NCAM1: variants seen among roughly 807,000 people sequenced by gnomAD.
The protein encoded by NCAM1 is neural cell adhesion molecule 1, also known as antigen recognized by monoclonal antibody 5.1H11.
Under a neutral mutation model 109.8 loss-of-function variants are expected in NCAM1, and 14 were observed. The observed-to-expected ratio is 0.13, with a 90% CI of 0.08 to 0.20. The LOEUF is 0.20. Among genes scored for constraint, NCAM1 ranks in the 10% least tolerant of loss-of-function variants. The pLI is 1.00. For missense variants in NCAM1, 774 were observed against 1,109.9 expected, an observed-to-expected ratio of 0.70 and a Z score of 4.30; for synonymous variants, 418 against 442.9, an observed-to-expected ratio of 0.94 and a Z score of 0.70.
chr11:113,124,590 T>G (rs1343758323), intron 1 of NCAM1, among the ~76,000 whole-genome samples: 1 of 152,256 alleles, frequency 6.6e-6, no homozygotes, highest in Non-Finnish European at 1.5e-5. Context: ...GTTCATTACA[T>G]ATGGGAAACT....
chr11:113,124,254 G>A (rs966304295), intron 1 of NCAM1, among the ~76,000 whole-genome samples: 3 of 152,152 alleles, frequency 2.0e-5, no homozygotes, highest in East Asian at 1.9e-4. Flanking sequence ...GTGTGGTGTC[G>A]CAGGACTATT....
At chr11:113,260,494 A>G in intron 17 of NCAM1, 171 bp downstream of exon 17, 1 of 674,870 alleles carries the variant, frequency 1.5e-6, no homozygotes, top group Non-Finnish European at 2.4e-6. Flanking sequence ...CAGTGGGGTG[A>G]GATGTACTGG....
intron 1 of NCAM1, among the ~76,000 whole-genome samples, chr11:112,967,820 TG>T (rs1331349850): frequency 1.3e-5 from 2 of 152,150 alleles, no homozygotes; most frequent in Non-Finnish European, 2.9e-5. Context: ...GAGAAAAAAA[TG>T]GCCTGATTAT....
Position 113,200,658 on chromosome 11 carries a change from C to T in NCAM1, c.53-1721C>T, listed in dbSNP as rs781927497. Among the ~76,000 whole-genome samples, 3 of 152,148 alleles carry T rather than the reference C, an allele frequency of 2.0e-5. No homozygotes were observed. In the South Asian group the frequency reaches 6.2e-4, roughly 32 times the overall value. ...ATGAGGAGGCAGGATGTGGTGATGT[C>T]TGAGACCCCTTTGGGCTCTCACAGT... On this transcript the variant is annotated intron_variant, in intron 1 of 19. Transcript: ENST00000316851.
chr11:113,058,870 G>A (rs1207634121), intron 1 of NCAM1, among the ~76,000 whole-genome samples: 4 of 152,122 alleles, frequency 2.6e-5, no homozygotes, highest in Non-Finnish European at 4.4e-5. Flanking sequence ...TTTCATCTGG[G>A]GGAAGCCATT....
intron 14 of NCAM1, among the ~76,000 whole-genome samples, chr11:113,237,751 C>T (rs1324056079): frequency 6.6e-6 from 1 of 152,076 alleles, no homozygotes. Context: ...AGTTTCTAAC[C>T]AGTAACTGGA....
At chr11:112,971,493 C>T (rs1950881441) in intron 1 of NCAM1, among the ~76,000 whole-genome samples, 1 of 152,042 alleles carries the variant, frequency 6.6e-6, no homozygotes, top group South Asian at 2.1e-4. Context: ...AGCATCTAAG[C>T]AGTCAGTTAA....
intron 1 of NCAM1, among the ~76,000 whole-genome samples, chr11:113,017,653 G>C (rs1312803203): frequency 1.3e-5 from 2 of 151,944 alleles, no homozygotes; most frequent in African/African-American, 2.4e-5. Flanking sequence ...GTGTGTGTGT[G>C]TGTGTGTATG....
intron 1 of NCAM1, among the ~76,000 whole-genome samples, chr11:112,979,921 T>A (rs2186707): frequency 0.45 from 68,389 of 151,606 alleles, 16,296 homozygotes; most frequent in East Asian, 0.8. Flanking sequence ...CAAGCACCAC[T>A]TGATCACCTT....
At chr11:113,193,952 C>T (rs188515554) in intron 1 of NCAM1, among the ~76,000 whole-genome samples, 4 of 152,286 alleles carry the variant, frequency 2.6e-5, no homozygotes. Context: ...TTCTATAAAA[C>T]TAAATCGGAC....
chr11:113,260,302 G>T lies in NCAM1; in HGVS notation c.2110G>T (p.Ala704Ser), dbSNP rs1555123080. The change falls in exon 17 of 20, where the codon GCC becomes TCC. Residue 704 changes from alanine to serine, a missense_variant. By Grantham distance (99) the Ala-to-Ser change is moderately conservative. Transcript: ENST00000316851. ...GGCTCATTTTGTGTTCAGGACCTCG[G>T]CCCAGCCCACAGCCATCCCAGGTAT... The part of the protein sequence containing the change: ...KAAHFVFRTS[A>S]QPTAIPANGS... The T allele has an allele frequency of 1.2e-6, 2 of 1,613,012 alleles. No homozygotes were observed. Among genetic ancestry groups the T allele is most frequent in the Non-Finnish European group, 1.7e-6 (2 of 1,179,618 alleles).
At chr11:113,271,636 A>G in intron 18 of NCAM1, 124 bp from the exon 19 acceptor site, 1 of 622,462 alleles carries the variant, frequency 1.6e-6, no homozygotes. Flanking sequence ...TGAGACTTAT[A>G]CATTTGAATC....
At chr11:113,214,588 C>T in intron 8 of NCAM1, 77 bp downstream of exon 8, 3 of 1,477,836 alleles carry the variant, frequency 2.0e-6, no homozygotes, top group Non-Finnish European at 2.7e-6. Context: ...GCCCAGTTCT[C>T]TTTGGGGAGC....
intron 1 of NCAM1, among the ~76,000 whole-genome samples, chr11:112,999,513 T>G (rs1951688590): frequency 6.6e-6 from 1 of 152,130 alleles, no homozygotes; most frequent in Admixed American, 6.6e-5. Context: ...GGGTCCTCAT[T>G]TTCAAATTAT....
intron 1 of NCAM1, among the ~76,000 whole-genome samples, chr11:113,180,332 A>G (rs921367357): frequency 3.9e-5 from 6 of 152,242 alleles, no homozygotes; most frequent in African/African-American, 1.4e-4. Flanking sequence ...CTACAGGGGT[A>G]TTGAAAGGCA....
At chr11:113,088,474 C>A (rs995035295) in intron 1 of NCAM1, among the ~76,000 whole-genome samples, 14 of 152,312 alleles carry the variant, frequency 9.2e-5, no homozygotes, top group African/African-American at 3.4e-4. Context: ...TTAGCTTGAT[C>A]AGTCCAAACT....
intron 1 of NCAM1, among the ~76,000 whole-genome samples, chr11:113,150,500 T>C (rs1942186677): frequency 6.6e-6 from 1 of 152,160 alleles, no homozygotes; most frequent in Non-Finnish European, 1.5e-5. Flanking sequence ...TTAATTCAAC[T>C]CCACAAGGCT....
intron 14 of NCAM1, among the ~76,000 whole-genome samples, chr11:113,236,097 T>C (rs145397854): frequency 1.4e-3 from 209 of 152,310 alleles, no homozygotes; most frequent in Non-Finnish European, 2.4e-3. Context: ...TGCCCTTACC[T>C]CTTCCCAGAA....
chr11:113,020,151 A>C (rs1202793292), intron 1 of NCAM1, among the ~76,000 whole-genome samples: 1 of 152,180 alleles, frequency 6.6e-6, no homozygotes, highest in Non-Finnish European at 1.5e-5. Context: ...CTCCCTTGTC[A>C]ACAATGTTTT....
Sources: gnomAD v4.1 joint callset for allele counts (sites outside exome capture counted in the v4.1 genomes callset) on GRCh38, gnomAD v4.1.1 for gene constraint, MANE v1.5 for transcripts, NCBI Gene and HGNC (gene_info 2026-07-23, HGNC 2026-07-21) for gene names.